The following CYP2C19 variants were observed in gnomAD, a reference collection of about 807,000 sequenced individuals.
CYP2C19 encodes the protein cytochrome P450 2C19.
CYP2C19 carries 59 observed loss-of-function variants against 40.9 expected under a neutral mutation model. The observed-to-expected ratio is 1.44, with a 90% CI of 1.17 to 1.79. The LOEUF is 1.79. Ranked by LOEUF, CYP2C19 falls within the 40% of genes most tolerant of loss-of-function variation. The pLI, the probability that CYP2C19 is intolerant of heterozygous loss-of-function variation, is 0.00. For synonymous variants in CYP2C19, 253 were observed against 208.7 expected, an observed-to-expected ratio of 1.21 and a Z score of -1.83; for missense variants, 754 against 596.9, an observed-to-expected ratio of 1.26 and a Z score of -2.74.
At chr10:94,794,048 C>T (rs544894451) in intron 5 of CYP2C19, among the ~76,000 whole-genome samples, 12 of 152,280 alleles carry the variant, frequency 7.9e-5, no homozygotes, top group African/African-American at 2.4e-4. Context: ...CCTACTCAAG[C>T]CTCAGAAGTG....
At chr10:94,809,428 T>C (rs568069778) in intron 5 of CYP2C19, among the ~76,000 whole-genome samples, 1 of 152,172 alleles carries the variant, frequency 6.6e-6, no homozygotes, top group Non-Finnish European at 1.5e-5. Flanking sequence ...GTGCTGAAAC[T>C]TTTTAACGTG....
intron 5 of CYP2C19, among the ~76,000 whole-genome samples, chr10:94,783,233 T>C (rs1341979917): frequency 6.6e-6 from 1 of 152,136 alleles, no homozygotes; most frequent in African/African-American, 2.4e-5. Context: ...ATGGGCATCA[T>C]TATTGCACAC....
At chr10:94,796,784 TG>T (rs1314791229) in intron 5 of CYP2C19, among the ~76,000 whole-genome samples, 3 of 152,288 alleles carry the variant, frequency 2.0e-5, no homozygotes, top group African/African-American at 7.2e-5. Flanking sequence ...ACTCATGTTT[TG>T]GCTCTCTGTC....
At position 94,776,550 on chromosome 10, in the gene CYP2C19, T is replaced by C. The variant is rs191201667; in HGVS notation, c.481+1011T>C. 7 of 152,284 alleles carry C rather than the reference T, an allele frequency of 4.6e-5. No homozygotes were observed. In the East Asian group the frequency reaches 1.2e-3, roughly 25 times the overall value. 9.4% of individuals were successfully genotyped at this position (152,284 alleles called of 1,614,324 possible). A position where few individuals can be genotyped will look rare whatever the true frequency, so the allele number is the denominator to read the frequency against. ...ACACACTCAACAGACTTCCAGCTGTTCAATGCCTTGCTATTCATTCAGAGT... is the reference window on the plus strand; with the variant it reads ...ACACACTCAACAGACTTCCAGCTGTCCAATGCCTTGCTATTCATTCAGAGT... On this transcript the variant is annotated intron_variant, in intron 3 of 8. Coordinates refer to ENST00000371321, the MANE Select transcript of CYP2C19 (RefSeq NM_000769.4).
At chr10:94,784,135 A>G (rs892251043) in intron 5 of CYP2C19, among the ~76,000 whole-genome samples, 28 of 152,208 alleles carry the variant, frequency 1.8e-4, no homozygotes, top group African/African-American at 6.8e-4. Context: ...TTATGGATAT[A>G]TAAAGAATTC....
chr10:94,830,427 G>T (rs1019812325), intron 6 of CYP2C19, among the ~76,000 whole-genome samples: 1 of 152,150 alleles, frequency 6.6e-6, no homozygotes, highest in East Asian at 1.9e-4. Flanking sequence ...TCCAGGTGCC[G>T]TCTGTCACCC....
rs141092527 is a variant in CYP2C19 at position 94,833,559 on chromosome 10, C to T, written c.962-9278C>T. Among the ~76,000 whole-genome samples the T allele has an allele frequency of 3.3e-3, 498 of 152,006 alleles. 3 individuals are homozygous for T. Among genetic ancestry groups the T allele is most frequent in the African/African-American group, 0.011 (459 of 41,440 alleles). ...TGGTGCGCTGCACCCAAATGTCCAA[C>T]GATGATAGACTGGATTAAGAAAATG... On this transcript the variant is annotated intron_variant, in intron 6 of 8. Transcript: ENST00000371321.
intron 7 of CYP2C19, among the ~76,000 whole-genome samples, chr10:94,844,642 C>A (rs1564684249): frequency 6.6e-6 from 1 of 152,108 alleles, no homozygotes; most frequent in Non-Finnish European, 1.5e-5. Flanking sequence ...TTACTAATGT[C>A]ACTTTTTGAA....
At chr10:94,805,237 A>C (rs922825044) in intron 5 of CYP2C19, among the ~76,000 whole-genome samples, 25 of 152,162 alleles carry the variant, frequency 1.6e-4, no homozygotes, top group Admixed American at 1.5e-3. Context: ...AGTTTTATTT[A>C]TAGTTTTATG....
chr10:94,785,404 C>G (rs1396152832), intron 5 of CYP2C19, among the ~76,000 whole-genome samples: 1 of 152,088 alleles, frequency 6.6e-6, no homozygotes, highest in African/African-American at 2.4e-5. Context: ...GACTCATCAC[C>G]ATTTGTTGAA....
In CYP2C19 at chr10:94,854,713, G is replaced by A. The variant is rs1385745740; in HGVS notation, c.*1799G>A. Among the ~76,000 whole-genome samples, 1 of 151,866 alleles carries A rather than the reference G, an allele frequency of 6.6e-6. No individual in the cohort carries two copies. Among genetic ancestry groups the A allele is most frequent in the Non-Finnish European group, 1.5e-5 (1 of 67,988 alleles). On this transcript the variant is annotated 3_prime_UTR_variant, in exon 9 of 9. Coordinates refer to ENST00000371321, the MANE Select transcript of CYP2C19 (RefSeq NM_000769.4). Reference sequence around the variant, plus strand: ...TAACTTATGCACACATACATATAGGGTTAAATGTTTATTTACAATATTGGG... The same window carrying A: ...TAACTTATGCACACATACATATAGGATTAAATGTTTATTTACAATATTGGG...
At chr10:94,823,070 T>G (rs553787025) in intron 6 of CYP2C19, among the ~76,000 whole-genome samples, 54 of 152,114 alleles carry the variant, frequency 3.5e-4, no homozygotes, top group Non-Finnish European at 6.6e-4. Context: ...GGAGGAATAA[T>G]AAATCAGTAC....
In CYP2C19 at chr10:94,854,454, C is replaced by G. The variant is rs930918649; in HGVS notation, c.*1540C>G. ...AATTAGCCTCATGTCATCTCCAAAG[C>G]ATAGACAACTAAGTATCTTATGTTA... On this transcript the variant is annotated 3_prime_UTR_variant, in exon 9 of 9. Transcript: ENST00000371321. Among the ~76,000 whole-genome samples the G allele has an allele frequency of 7.2e-5, 11 of 152,078 alleles. No homozygotes were observed. Among genetic ancestry groups the G allele is most frequent in the African/African-American group, 2.7e-4 (11 of 41,502 alleles).
chr10:94,836,896 T>C (rs1173354132), intron 6 of CYP2C19, among the ~76,000 whole-genome samples: 2 of 152,188 alleles, frequency 1.3e-5, no homozygotes, highest in East Asian at 3.9e-4. Flanking sequence ...GGTATGAGAA[T>C]TGACTCAAGT....
intron 5 of CYP2C19, among the ~76,000 whole-genome samples, chr10:94,790,942 G>A (rs1168742564): frequency 2.0e-5 from 3 of 152,096 alleles, no homozygotes; most frequent in African/African-American, 7.2e-5. Flanking sequence ...AGAAGGAATG[G>A]CACCAGTTCC....
intron 6 of CYP2C19, 82 bp from the exon 7 acceptor site, chr10:94,842,755 C>A (rs1589376565): frequency 7.0e-7 from 1 of 1,435,710 alleles, no homozygotes; most frequent in Non-Finnish European, 9.8e-7. Flanking sequence ...ATACCTTCAT[C>A]ATGATTCATG....
rs1009182215 is a variant in CYP2C19 at position 94,854,087 on chromosome 10, C to T, written c.*1173C>T. ...AGGCTGGAGTGCAATGGTGCGATCTCGGCTCACTGCAATCTCCACCTCCTG... is the reference window on the plus strand; with the variant it reads ...AGGCTGGAGTGCAATGGTGCGATCTTGGCTCACTGCAATCTCCACCTCCTG... On this transcript the variant is annotated 3_prime_UTR_variant, in exon 9 of 9. Coordinates refer to ENST00000371321, the MANE Select transcript of CYP2C19 (RefSeq NM_000769.4). 6.2e-5 allele frequency among the ~76,000 whole-genome samples: 9 copies of T among 145,322 alleles called. No individual in the cohort carries two copies. The highest frequency in any genetic ancestry group is 2.2e-4 in the South Asian group (1 of 4,600).
At chr10:94,844,032 T>C (rs952467957) in intron 7 of CYP2C19, among the ~76,000 whole-genome samples, 6 of 152,224 alleles carry the variant, frequency 3.9e-5, no homozygotes, top group Non-Finnish European at 8.8e-5. Context: ...GCTTCTGTGT[T>C]TACATTCACA....
intron 5 of CYP2C19, among the ~76,000 whole-genome samples, chr10:94,806,366 G>A (rs1589361269): frequency 6.6e-6 from 1 of 152,014 alleles, no homozygotes; most frequent in Non-Finnish European, 1.5e-5. Flanking sequence ...ATGCATATGG[G>A]TAAATAAATA....
Sources: gnomAD v4.1 joint callset for allele counts (sites outside exome capture counted in the v4.1 genomes callset) on GRCh38, gnomAD v4.1.1 for gene constraint, MANE v1.5 for transcripts, NCBI Gene and HGNC (gene_info 2026-07-23, HGNC 2026-07-21) for gene names.